Variants in AEN observed in about 807,000 individuals in gnomAD.
AEN encodes the protein apoptosis enhancing nuclease.
A neutral mutation model predicts 17.7 loss-of-function variants in AEN; 21 were observed. That is an observed-to-expected ratio of 1.19 (90% CI 0.84 to 1.71). The LOEUF (loss-of-function observed/expected upper bound fraction) is 1.71. Ranked by LOEUF, AEN falls within the 40% of genes most tolerant of loss-of-function variation. The pLI is 0.00. For missense variants in AEN, 462 were observed against 435.9 expected (o/e 1.06, Z -0.53); for synonymous variants, 190 against 173.0 (o/e 1.10, Z -0.77).
At position 88,629,255 on chromosome 15, in the gene AEN, G is replaced by A. The variant is rs151089266; in HGVS notation, c.570G>A (p.Val190=). Residue 190 remains valine (V), a synonymous_variant, in exon 3 of 4, where the codon GTG becomes GTA. Coordinates refer to ENST00000332810, the MANE Select transcript of AEN (RefSeq NM_022767.4). ...TTAAGCTCCTGAAGGGCAAGGTGGTGGTGGGGCACGCGCTGCACAACGACT... is the reference window on the plus strand; with the variant it reads ...TTAAGCTCCTGAAGGGCAAGGTGGTAGTGGGGCACGCGCTGCACAACGACT... The part of the protein sequence containing the change: ...EILKLLKGKV[V]VGHALHNDFQ... 3 of 1,614,118 alleles carry A rather than the reference G, an allele frequency of 1.9e-6. No individual in the cohort carries two copies. The highest frequency in any genetic ancestry group is 2.5e-6 in the Non-Finnish European group (3 of 1,179,998).
At chr15:88,621,757 C>T (rs2057791040) in intron 1 of AEN, 1 of 152,200 alleles carries the variant, frequency 6.6e-6, no homozygotes, top group African/African-American at 2.4e-5. Context: ...TGTCGTTGTT[C>T]CGTGGACTTT....
chr15:88,606,223 C>A, the AEN span, among the ~76,000 whole-genome samples: 1 of 152,186 alleles, frequency 6.6e-6, no homozygotes, highest in Non-Finnish European at 1.5e-5. Context: ...CTCGCTCTCT[C>A]CCCCTTCCTT....
At chr15:88,616,583 C>A (rs972445114), upstream of AEN, among the ~76,000 whole-genome samples, 4 of 152,132 alleles carry the variant, frequency 2.6e-5, no homozygotes, top group Non-Finnish European at 4.4e-5. Flanking sequence ...CAGTGTGAGA[C>A]CACCCTTACT....
the AEN span, chr15:88,608,091 T>C: frequency 1.9e-6 from 1 of 524,592 alleles, no homozygotes; most frequent in African/African-American, 1.9e-5. Flanking sequence ...TTCAAGAAGA[T>C]AACTGAGCTC....
the AEN span, among the ~76,000 whole-genome samples, chr15:88,607,476 A>G: frequency 6.6e-6 from 1 of 152,238 alleles, no homozygotes; most frequent in Non-Finnish European, 1.5e-5. Context: ...GCAAGTTACC[A>G]GAACAGCCTG....
At chr15:88,606,057 T>C in the AEN span, among the ~76,000 whole-genome samples, 3 of 152,150 alleles carry the variant, frequency 2.0e-5, no homozygotes, top group East Asian at 5.8e-4. Context: ...GTGGAAAAAC[T>C]TGGCGCCAAA....
Position 88,631,330 on chromosome 15 carries a change from T to A in AEN, c.*1036T>A, listed in dbSNP as rs1046433131. 3.3e-6 allele frequency: 1 copy of A among 300,498 alleles called. No individual in the cohort carries two copies. Among genetic ancestry groups the A allele is most frequent in the Non-Finnish European group, 7.0e-6 (1 of 141,916 alleles). The allele number at this position is 300,498 out of a possible 1,614,324, so 18.6% of individuals were successfully genotyped here. ...CCCCCGAACCTGGTCTGATGCCCCC[T>A]CAGCTCTTTGACAATCACTGTGGCT... On this transcript the variant is annotated 3_prime_UTR_variant, in exon 4 of 4. Transcript: ENST00000332810.
chr15:88,628,950 G>A (rs371837519), intron 2 of AEN: 50 of 404,032 alleles, frequency 1.2e-4, no homozygotes, highest in African/African-American at 9.1e-4. Flanking sequence ...CCATGACCTC[G>A]TTTAGTCCTT....
intron 3 of AEN, 77 bp downstream of exon 3, chr15:88,629,503 T>C: frequency 6.6e-7 from 1 of 1,523,882 alleles, no homozygotes; most frequent in Non-Finnish European, 8.9e-7. Flanking sequence ...GACAAGGCTT[T>C]GGGCTGTGTC....
At chr15:88,627,203 G>C (rs1225522210) in intron 2 of AEN, 1 of 183,140 alleles carries the variant, frequency 5.5e-6, no homozygotes, top group Non-Finnish European at 1.2e-5. Flanking sequence ...CTTGACCTTA[G>C]AAACACCTAA....
Position 88,626,260 on chromosome 15 carries a change from C to T in AEN, c.51C>T (p.Leu17=), listed in dbSNP as rs754883639. 3.7e-6 allele frequency: 6 copies of T among 1,612,656 alleles called. No individual in the cohort carries two copies. The highest frequency in any genetic ancestry group is 5.1e-6 in the Non-Finnish European group (6 of 1,179,488). The stretch of plus-strand genomic sequence containing the variant: ...CTGCTCAGTGCCTGTGCCCTTCCCT[C>T]ACCATCCCAAATGCCAAGGATGTGC... The part of the protein sequence containing the change: ...PESAQCLCPS[L]TIPNAKDVLR... The change falls in exon 2 of 4, where the codon CTC becomes CTT. Residue 17 remains leucine, a synonymous_variant. Transcript: ENST00000332810.
the AEN span, among the ~76,000 whole-genome samples, chr15:88,616,086 G>A: frequency 7.5e-6 from 1 of 133,122 alleles, no homozygotes; most frequent in African/African-American, 2.5e-5. Context: ...TTTGTGGAAG[G>A]AGGCGTTTTT....
chr15:88,608,566 C>T, the AEN span, among the ~76,000 whole-genome samples: 1 of 152,194 alleles, frequency 6.6e-6, no homozygotes, highest in Admixed American at 6.5e-5. Context: ...AGATGGAAAG[C>T]TAGAAGTCGG....
chr15:88,626,695 C>T lies in AEN; in HGVS notation c.486C>T (p.Gly162=). 4 of 1,613,350 alleles carry T rather than the reference C, an allele frequency of 2.5e-6. No individual in the cohort carries two copies. The highest frequency in any genetic ancestry group is 1.1e-5 in the South Asian group (1 of 91,086). The change falls in exon 2 of 4, where the codon GGC becomes GGT. Residue 162 remains glycine (G), a synonymous_variant. Coordinates refer to ENST00000332810, the MANE Select transcript of AEN (RefSeq NM_022767.4). ...PIADYRTRWS[G]ITRQHMRKAV... ...CTGACTACCGTACCCGCTGGAGTGG[C>T]ATCACTCGGCAGCACATGCGCAAGG...
At chr15:88,607,716 TC>T in the AEN span, among the ~76,000 whole-genome samples, 8 of 152,228 alleles carry the variant, frequency 5.3e-5, no homozygotes, top group Admixed American at 4.6e-4. Context: ...CTTGTTCTCT[TC>T]TTTTCTCTCC....
the AEN span, among the ~76,000 whole-genome samples, chr15:88,616,216 T>C: frequency 5.3e-5 from 8 of 152,064 alleles, no homozygotes; most frequent in Admixed American, 5.2e-4. Context: ...TCCTCAGCCT[T>C]CTGAGTAGCT....
intron 1 of AEN, among the ~76,000 whole-genome samples, chr15:88,624,065 G>C (rs1325014222): frequency 6.6e-6 from 1 of 152,234 alleles, no homozygotes; most frequent in Non-Finnish European, 1.5e-5. Flanking sequence ...CCAGAGAATT[G>C]TCCTCCAGCC....
the AEN span, among the ~76,000 whole-genome samples, chr15:88,612,647 C>A: frequency 6.6e-6 from 1 of 151,838 alleles, no homozygotes; most frequent in Non-Finnish European, 1.5e-5. Flanking sequence ...CTGTCCCAGG[C>A]TGGAGTGCAG....
chr15:88,616,091 G>GT, the AEN span, among the ~76,000 whole-genome samples: 3 of 113,684 alleles, frequency 2.6e-5, no homozygotes, highest in East Asian at 3.2e-4. Context: ...GGAAGGAGGC[G>GT]TTTTTTGTTT....
Sources: gnomAD v4.1 joint callset for allele counts (sites outside exome capture counted in the v4.1 genomes callset) on GRCh38, gnomAD v4.1.1 for gene constraint, MANE v1.5 for transcripts, NCBI Gene and HGNC (gene_info 2026-07-23, HGNC 2026-07-21) for gene names.